SKI: variants seen among roughly 807,000 people sequenced by gnomAD.
SKI encodes SKI proto-oncogene.
A neutral mutation model predicts 59.3 loss-of-function variants in SKI; 23 were observed. The ratio of observed to expected loss-of-function variants is 0.39; its 90% CI spans 0.28 to 0.55. The LOEUF is 0.55. SKI is among the 20% of genes least tolerant of loss of function. The pLI, the probability that SKI is intolerant of heterozygous loss-of-function variation, is 0.67. For synonymous variants in SKI, 673 were observed against 488.6 expected (o/e 1.38, Z -4.98); for missense variants, 1,017 against 1,038.9 (o/e 0.98, Z 0.29).
intron 1 of SKI, among the ~76,000 whole-genome samples, chr1:2,279,457 C>G (rs965572490): frequency 6.6e-6 from 1 of 152,210 alleles, no homozygotes; most frequent in East Asian, 1.9e-4. Context: ...TCGCCTGTTC[C>G]CGCCCATCCC....
chr1:2,295,208 C>T (rs1414288901), intron 1 of SKI, among the ~76,000 whole-genome samples: 2 of 152,174 alleles, frequency 1.3e-5, no homozygotes, highest in African/African-American at 4.8e-5. Flanking sequence ...AGTGTGGCAG[C>T]CCTGCGCCAG....
Position 2,269,459 on chromosome 1 carries a change from G to T in SKI, c.970-33519G>T, listed in dbSNP as rs1639570122. ...CGGGACACGTTCCCCAACGTGGGAT[G>T]TCCGTCCTCAGCAGTCTGTGGCCTT... is the stretch of plus-strand genomic sequence containing the variant. On this transcript the variant is annotated intron_variant, in intron 1 of 6. Transcript: ENST00000378536. This position sits in a 1 kb window ranked among gnomAD's most constrained non-coding sequence, Gnocchi z 4.7. 1.3e-5 allele frequency among the ~76,000 whole-genome samples: 2 copies of T among 152,282 alleles called. No individual in the cohort carries two copies.
chr1:2,273,958 G>A (rs1031711323), intron 1 of SKI, among the ~76,000 whole-genome samples: 1 of 152,106 alleles, frequency 6.6e-6, no homozygotes, highest in Non-Finnish European at 1.5e-5. Flanking sequence ...GACCGGCAGC[G>A]CCAGGATGGC....
intron 1 of SKI, among the ~76,000 whole-genome samples, chr1:2,273,398 C>T (rs950084902): frequency 6.6e-6 from 1 of 152,268 alleles, no homozygotes; most frequent in African/African-American, 2.4e-5. Flanking sequence ...TGGCATTCCT[C>T]CCACAGTCCT....
chr1:2,262,629 A>G (rs1639413295), intron 1 of SKI, among the ~76,000 whole-genome samples: 1 of 152,218 alleles, frequency 6.6e-6, no homozygotes, highest in South Asian at 2.1e-4. Context: ...GTGATGGTGC[A>G]TGTTGGGTTT....
At chr1:2,233,339 A>G (rs1007017363) in intron 1 of SKI, among the ~76,000 whole-genome samples, 44 of 151,754 alleles carry the variant, frequency 2.9e-4, no homozygotes, top group Non-Finnish European at 5.2e-4. Context: ...TCCTGTTCCT[A>G]GGGGCGGTGG....
rs1639577507 is a variant in SKI, at chr1:2,269,823, T to C, written c.970-33155T>C. Among the ~76,000 whole-genome samples the C allele has an allele frequency of 6.7e-6, 1 of 149,800 alleles. No individual in the cohort carries two copies. The highest frequency in any genetic ancestry group is 2.5e-5 in the African/African-American group (1 of 40,652). On this transcript the variant is annotated intron_variant, in intron 1 of 6. Transcript: ENST00000378536. This position sits in a 1 kb window ranked among gnomAD's most constrained non-coding sequence, Gnocchi z 4.7. ...TGGGTCTGGCGGGTCTGGTGGTGCC[T>C]GTGGCTGGCGTGGGTCTGGCGGGTC...
rs532746383 is a variant in SKI at position 2,285,124 on chromosome 1, G to A, written c.970-17854G>A. Among the ~76,000 whole-genome samples, 20 of 152,238 alleles carry A rather than the reference G, an allele frequency of 1.3e-4. No individual in the cohort carries two copies. The East Asian group carries it at 1.7e-3, about 13-fold the overall frequency. ...GTGTCATGCGGCAGTTGGTGTGGCC[G>A]TGTGGACTTGTCCCCATCTGTCTAG... On this transcript the variant is annotated intron_variant, in intron 1 of 6. Coordinates refer to ENST00000378536, the MANE Select transcript of SKI (RefSeq NM_003036.4).
At chr1:2,264,332 C>T (rs1046536717) in intron 1 of SKI, among the ~76,000 whole-genome samples, 11 of 152,242 alleles carry the variant, frequency 7.2e-5, no homozygotes, top group South Asian at 6.2e-4. Context: ...TGCAGTGGCA[C>T]GATCTCGGCT....
At chr1:2,275,567 G>T (rs1639722893) in intron 1 of SKI, among the ~76,000 whole-genome samples, 1 of 152,128 alleles carries the variant, frequency 6.6e-6, no homozygotes, top group Non-Finnish European at 1.5e-5. Flanking sequence ...AGGCTGGAGT[G>T]CAGTGGCGCG....
At chr1:2,275,019 C>T (rs1406491705) in intron 1 of SKI, among the ~76,000 whole-genome samples, 3 of 152,164 alleles carry the variant, frequency 2.0e-5, no homozygotes, top group Admixed American at 1.3e-4. Context: ...GGAGGCTGGG[C>T]ACCTCTCACC....
chr1:2,303,361 A>AAGAGCTCTCCCCACACCTCCCGGC lies in SKI; in HGVS notation c.1173_1196dup (p.Glu392_Ala399dup). ...TCCCCCGCAGTGTCAGCGAGTGAGA[A>AAGAGCTCTCCCCACACCTCCCGGC]AGAGCTCTCCCCACACCTCCCGGCC... On this transcript the variant is annotated inframe_insertion, in exon 3 of 7. Coordinates refer to ENST00000378536, the MANE Select transcript of SKI (RefSeq NM_003036.4). This position sits in a 1 kb window ranked among gnomAD's most constrained non-coding sequence, Gnocchi z 5.6. 6.2e-7 allele frequency: 1 copy of AAGAGCTCTCCCCACACCTCCCGGC among 1,613,622 alleles called. No individual in the cohort carries two copies. Among genetic ancestry groups the AAGAGCTCTCCCCACACCTCCCGGC allele is most frequent in the Non-Finnish European group, 8.5e-7 (1 of 1,180,008 alleles).
intron 1 of SKI, among the ~76,000 whole-genome samples, chr1:2,263,865 T>TG (rs1639440486): frequency 1.0e-5 from 1 of 99,212 alleles, no homozygotes; most frequent in African/African-American, 4.6e-5. Flanking sequence ...AGACTCCATC[T>TG]CAAAAAAAAA....
Position 2,306,836 on chromosome 1 carries a change from C to T in SKI, c.*71C>T, listed in dbSNP as rs1640602211. ...GGGGCGCGGCTGGGCGGTGCAGCTC[C>T]GCCCGGCTCCGCCCCTGCAGCCCAC... On this transcript the variant is annotated 3_prime_UTR_variant, in exon 7 of 7. Coordinates refer to ENST00000378536, the MANE Select transcript of SKI (RefSeq NM_003036.4). The T allele has an allele frequency of 1.9e-6, 2 of 1,041,098 alleles. No individual in the cohort carries two copies. Among genetic ancestry groups the T allele is most frequent in the Non-Finnish European group, 2.5e-6 (2 of 798,086 alleles). The allele number at this position is 1,041,098 out of a possible 1,614,324, so 64.5% of individuals were successfully genotyped here. A position where few individuals can be genotyped will look rare whatever the true frequency, so the allele number is the denominator to read the frequency against.
At chr1:2,251,864 C>T (rs1050315992) in intron 1 of SKI, among the ~76,000 whole-genome samples, 4 of 152,252 alleles carry the variant, frequency 2.6e-5, no homozygotes, top group East Asian at 1.9e-4. Flanking sequence ...TTCTCCCCTT[C>T]TTGCTTCCCT....
At chr1:2,230,035 A>T (rs1638596912) in intron 1 of SKI, among the ~76,000 whole-genome samples, 1 of 152,200 alleles carries the variant, frequency 6.6e-6, no homozygotes, top group African/African-American at 2.4e-5. Flanking sequence ...TTGCCCAGAT[A>T]GGAAGGCACA....
intron 6 of SKI, 94 bp from the exon 7 acceptor site, chr1:2,306,483 C>G (rs1393874975): frequency 3.8e-6 from 5 of 1,319,588 alleles, no homozygotes; most frequent in Admixed American, 4.3e-5. Flanking sequence ...TGGGGAGGGA[C>G]AGGGAGCGGC....
intron 1 of SKI, among the ~76,000 whole-genome samples, chr1:2,275,545 G>A (rs898056456): frequency 2.0e-5 from 3 of 151,942 alleles, no homozygotes; most frequent in South Asian, 2.1e-4. Context: ...ACGGAGTCTC[G>A]CTCTGTCGCC....
Position 2,229,566 on chromosome 1 carries a change from T to C in SKI, c.800T>C (p.Leu267Pro), listed in dbSNP as rs1348952533. 6.2e-7 allele frequency: 1 copy of C among 1,611,436 alleles called. No individual in the cohort carries two copies. Among genetic ancestry groups the C allele is most frequent in the Admixed American group, 1.7e-5 (1 of 60,016 alleles). Residue 267 changes from leucine (L) to proline (P), a missense_variant, in exon 1 of 7, where the codon CTG (leucine) becomes CCG (proline). By Grantham distance (98) the Leu-to-Pro change is moderately conservative. Coordinates refer to ENST00000378536, the MANE Select transcript of SKI (RefSeq NM_003036.4). This position sits in a 1 kb window ranked among gnomAD's most constrained non-coding sequence, Gnocchi z 6.3. The stretch of plus-strand genomic sequence containing the variant: ...TTCGTGGTGCACTCGCACAAGGCCC[T>C]GGAGAACCGGACCTGCCACTGGGGC... ...HKFVVHSHKA[L>P]ENRTCHWGFD...
Sources: gnomAD v4.1 joint callset for allele counts (sites outside exome capture counted in the v4.1 genomes callset) on GRCh38, gnomAD v4.1.1 for gene constraint, Gnocchi (gnomAD v3.1) non-coding constraint, MANE v1.5 for transcripts, NCBI Gene and HGNC (gene_info 2026-07-23, HGNC 2026-07-21) for gene names.